ARHGAP6: variants seen among roughly 807,000 people sequenced by gnomAD.
ARHGAP6 encodes Rho GTPase activating protein 6.
Under a neutral mutation model 55.7 loss-of-function variants are expected in ARHGAP6, and 16 were observed. The ratio of observed to expected loss-of-function variants is 0.29; its 90% confidence interval spans 0.19 to 0.44. The LOEUF is 0.44. Ranked by LOEUF, ARHGAP6 falls within the 20% of genes least tolerant of loss-of-function variation. The pLI is 1.00. For missense variants in ARHGAP6, 698 were observed against 808.9 expected (o/e 0.86, Z 1.66); for synonymous variants, 382 against 360.9 (o/e 1.06, Z -0.66).
intron 1 of ARHGAP6, among the ~76,000 whole-genome samples, chrX:11,275,038 A>G (rs1192858532): frequency 1.8e-5 from 2 of 111,809 alleles, no homozygotes; most frequent in Non-Finnish European, 3.8e-5. Context: ...AGTATTCTCG[A>G]AAGAAAAGAC....
chrX:11,368,795 C>G (rs1009824389), intron 1 of ARHGAP6, among the ~76,000 whole-genome samples: 2 of 112,116 alleles, frequency 1.8e-5, no homozygotes, highest in African/African-American at 6.5e-5. Flanking sequence ...AAGGAAAGAG[C>G]TTGATAAATA....
chrX:11,526,981 T>G (rs1199333785), intron 1 of ARHGAP6, among the ~76,000 whole-genome samples: 3 of 106,899 alleles, frequency 2.8e-5, no homozygotes, highest in Non-Finnish European at 5.8e-5. Flanking sequence ...AAAGGAGAAT[T>G]AGTCCTAATG....
chrX:11,614,267 C>T (rs2052137340), intron 1 of ARHGAP6, among the ~76,000 whole-genome samples: 1 of 111,626 alleles, frequency 9.0e-6, no homozygotes, highest in Admixed American at 9.5e-5. Context: ...TGTATTAGTC[C>T]GTTCTCAGGT....
chrX:11,439,070 C>T (rs921910130), intron 1 of ARHGAP6, among the ~76,000 whole-genome samples: 2 of 112,110 alleles, frequency 1.8e-5, no homozygotes, highest in African/African-American at 3.2e-5. Context: ...GAAAGTGTTA[C>T]GAGAGCACAG....
At chrX:11,358,764 G>A (rs1459095632) in intron 1 of ARHGAP6, among the ~76,000 whole-genome samples, 2 of 111,588 alleles carry the variant, frequency 1.8e-5, no homozygotes, top group Admixed American at 1.9e-4. Context: ...TTACAGGCGT[G>A]AGCCACCGTG....
At chrX:11,590,910 G>GAAAGAAAGAAAGAAAAGAAAAGAAAAGA (rs1556119234) in intron 1 of ARHGAP6, among the ~76,000 whole-genome samples, 1 of 83,845 alleles carries the variant, frequency 1.2e-5, no homozygotes, top group African/African-American at 4.8e-5. Flanking sequence ...AAGAAAGAAA[G>GAAAGAAAGAAAGAAAAGAAAAGAAAAGA]AAAGAAAAGA....
At chrX:11,223,813 G>A (rs1006001066) in intron 2 of ARHGAP6, among the ~76,000 whole-genome samples, 2 of 110,873 alleles carry the variant, frequency 1.8e-5, no homozygotes, top group African/African-American at 6.6e-5. Context: ...TTTAGTTTGA[G>A]GAAATGAAAA....
intron 1 of ARHGAP6, among the ~76,000 whole-genome samples, chrX:11,653,282 C>T (rs1237880119): frequency 7.1e-5 from 8 of 112,493 alleles, no homozygotes; most frequent in Admixed American, 6.6e-4. Flanking sequence ...TACACCAAAT[C>T]CACAATACAA....
At chrX:11,204,653 A>G (rs1484105900) in intron 2 of ARHGAP6, among the ~76,000 whole-genome samples, 1 of 111,021 alleles carries the variant, frequency 9.0e-6, no homozygotes, top group Admixed American at 9.6e-5. Context: ...TCCCATGGGC[A>G]CCCCAAAGGT....
At chrX:11,140,204 A>T (rs1189521360) in intron 12 of ARHGAP6, among the ~76,000 whole-genome samples, 1 of 89,096 alleles carries the variant, frequency 1.1e-5, no homozygotes, top group African/African-American at 4.1e-5. Context: ...AAAAAAAATA[A>T]AAAAAAAAAT....
chrX:11,518,462 CTTT>C (rs368595944), intron 1 of ARHGAP6, among the ~76,000 whole-genome samples: 1,007 of 74,889 alleles, frequency 0.013, 16 homozygotes, highest in African/African-American at 0.05. Flanking sequence ...TTTTTTTTTT[CTTT>C]TTTTTTTTTT....
intron 5 of ARHGAP6, among the ~76,000 whole-genome samples, chrX:11,184,556 T>C (rs1160724170): frequency 8.9e-6 from 1 of 112,495 alleles, no homozygotes; most frequent in Non-Finnish European, 1.9e-5. Flanking sequence ...TCAGAAACCA[T>C]GTGAAAATAA....
chrX:11,174,617 TCTTTCTTTTCTTTC>T (rs2046163092), intron 8 of ARHGAP6, among the ~76,000 whole-genome samples: 1 of 62,141 alleles, frequency 1.6e-5, no homozygotes, highest in African/African-American at 5.8e-5. Flanking sequence ...TCTTTCTTTC[TCTTTCTTTTCTTTC>T]TTTCTTTCTT....
chrX:11,576,559 T>C (rs1330482489), intron 1 of ARHGAP6, among the ~76,000 whole-genome samples: 3 of 112,047 alleles, frequency 2.7e-5, no homozygotes, highest in South Asian at 3.7e-4. Flanking sequence ...CAATAACTAA[T>C]TGTTATTGAA....
chrX:11,545,548 G>T (rs761260844), intron 1 of ARHGAP6, among the ~76,000 whole-genome samples: 1 of 111,904 alleles, frequency 8.9e-6, no homozygotes, highest in Non-Finnish European at 1.9e-5. Context: ...AGCATGCAAG[G>T]CAACATTTAG....
At chrX:11,562,940 T>A (rs189184728) in intron 1 of ARHGAP6, among the ~76,000 whole-genome samples, 1 of 112,560 alleles carries the variant, frequency 8.9e-6, no homozygotes, top group Admixed American at 9.5e-5. Flanking sequence ...TTTGAACACA[T>A]GTCAGCTGTT....
At chrX:11,643,951 C>A (rs1165046935) in intron 1 of ARHGAP6, among the ~76,000 whole-genome samples, 2 of 111,799 alleles carry the variant, frequency 1.8e-5, no homozygotes, top group Non-Finnish European at 3.8e-5. Context: ...ATCCGCCACA[C>A]TCTTTCCACA....
intron 1 of ARHGAP6, among the ~76,000 whole-genome samples, chrX:11,516,246 A>C (rs991520769): frequency 6.2e-5 from 7 of 112,506 alleles, no homozygotes; most frequent in African/African-American, 2.3e-4. Flanking sequence ...TTATTGTGGT[A>C]ACATATACAT....
chrX:11,567,566 AAT>A (rs1556078452), intron 1 of ARHGAP6, among the ~76,000 whole-genome samples: 5 of 84,401 alleles, frequency 5.9e-5, no homozygotes, highest in African/African-American at 1.4e-4. Context: ...AAAAAAAAAA[AAT>A]ATATATATAT....
Sources: gnomAD v4.1 joint callset for allele counts (sites outside exome capture counted in the v4.1 genomes callset) on GRCh38, gnomAD v4.1.1 for gene constraint, MANE v1.5 for transcripts, NCBI Gene and HGNC (gene_info 2026-07-23, HGNC 2026-07-21) for gene names.